RBFOX1: variants seen among roughly 807,000 people sequenced by gnomAD.
RBFOX1 encodes the protein RNA binding protein fox-1 homolog 1.
In RBFOX1, 8 loss-of-function variants were observed where a neutral mutation model predicts 57.7. That is an observed-to-expected ratio of 0.14 (90% CI 0.08 to 0.25). The LOEUF (loss-of-function observed/expected upper bound fraction) is 0.25, where lower values mean the gene tolerates loss of function less well. Ranked by LOEUF, RBFOX1 falls within the 10% of genes least tolerant of loss-of-function variation. The pLI is 1.00. For synonymous variants in RBFOX1, 326 were observed against 222.4 expected, an observed-to-expected ratio of 1.47 and a Z score of -4.15; for missense variants, 611 against 548.5, an observed-to-expected ratio of 1.11 and a Z score of -1.14.
At chr16:6,483,515 C>T in intron 2 of RBFOX1, 8 of 1,535,598 alleles carry the variant, frequency 5.2e-6, no homozygotes, top group Non-Finnish European at 7.0e-6. Flanking sequence ...ATCTTGGCAG[C>T]TAATTGCAGT....
At chr16:5,896,671 C>T (rs1022076318) in intron 4 of RBFOX1, among the ~76,000 whole-genome samples, 4 of 151,386 alleles carry the variant, frequency 2.6e-5, no homozygotes, top group Non-Finnish European at 4.4e-5. Context: ...TAAGACATAT[C>T]GTCATGTCAT....
chr16:5,962,676 A>G (rs1424645299), intron 4 of RBFOX1, among the ~76,000 whole-genome samples: 1 of 152,160 alleles, frequency 6.6e-6, no homozygotes, highest in Non-Finnish European at 1.5e-5. Context: ...CAGATCGTAG[A>G]AGGTGACTAT....
chr16:6,123,483 G>A (rs996460948), intron 1 of RBFOX1, among the ~76,000 whole-genome samples: 1 of 152,144 alleles, frequency 6.6e-6, no homozygotes, highest in Non-Finnish European at 1.5e-5. Context: ...TAGAATAGAG[G>A]TTACCAGGGG....
chr16:7,437,837 C>T (rs2098734998), intron 4 of RBFOX1, among the ~76,000 whole-genome samples: 1 of 149,890 alleles, frequency 6.7e-6, no homozygotes, highest in African/African-American at 2.5e-5. Flanking sequence ...TGCAACTTGA[C>T]AGGAGGCAGT....
chr16:7,597,461 TTCTC>T (rs1476790933), intron 9 of RBFOX1, 30 bp downstream of exon 9: 1 of 1,514,808 alleles, frequency 6.6e-7, no homozygotes, highest in East Asian at 2.3e-5. Flanking sequence ...TTACAAGAAA[TTCTC>T]TCTACTTCTG....
At chr16:5,787,034 G>C (rs2054525950) in intron 3 of RBFOX1, among the ~76,000 whole-genome samples, 1 of 152,198 alleles carries the variant, frequency 6.6e-6, no homozygotes, top group Non-Finnish European at 1.5e-5. Flanking sequence ...TCCTTGGGAG[G>C]CTGAGGCAGG....
chr16:5,908,733 A>G (rs1056362785), intron 4 of RBFOX1, among the ~76,000 whole-genome samples: 9 of 152,076 alleles, frequency 5.9e-5, no homozygotes, highest in South Asian at 2.1e-4. Context: ...GGCCCCTGCT[A>G]TAGACTGAAT....
At chr16:5,882,385 A>G (rs2057784882) in intron 4 of RBFOX1, among the ~76,000 whole-genome samples, 1 of 152,206 alleles carries the variant, frequency 6.6e-6, no homozygotes, top group African/African-American at 2.4e-5. Context: ...ATTTATGGGC[A>G]ACACCTGGAA....
chr16:6,650,540 G>A (rs902361559), intron 2 of RBFOX1, among the ~76,000 whole-genome samples: 3 of 152,160 alleles, frequency 2.0e-5, no homozygotes, highest in East Asian at 1.9e-4. Context: ...CCACTTTGTC[G>A]AATGTTGGTA....
chr16:5,618,457 C>A (rs1002425363), intron 3 of RBFOX1, among the ~76,000 whole-genome samples: 3 of 152,120 alleles, frequency 2.0e-5, no homozygotes, highest in African/African-American at 7.2e-5. Flanking sequence ...CCTGCCTCAG[C>A]CTCCCAAGTA....
intron 1 of RBFOX1, chr16:6,037,892 G>A (rs867265655): frequency 2.0e-5 from 3 of 152,128 alleles, no homozygotes; most frequent in Admixed American, 1.3e-4. Context: ...ACCACACCTG[G>A]CCTGTAGAAT....
At position 7,573,339 on chromosome 16, in the gene RBFOX1, A is replaced by G. The variant is rs2092988141; in HGVS notation, c.271-6438A>G. Among the ~76,000 whole-genome samples, 4 of 152,162 alleles carry G rather than the reference A, an allele frequency of 2.6e-5. No individual in the cohort carries two copies. The South Asian group carries it at 8.3e-4, about 32-fold the overall frequency. ...CGAGAACACTGAACCTTATAGACCT[A>G]GAGAGCCAATGACGATCCAGGTTGG... On this transcript the variant is annotated intron_variant, in intron 5 of 15. Transcript: ENST00000550418.
At chr16:7,460,278 G>T (rs1211440967) in intron 4 of RBFOX1, among the ~76,000 whole-genome samples, 4 of 150,242 alleles carry the variant, frequency 2.7e-5, no homozygotes, top group South Asian at 4.2e-4. Flanking sequence ...TTCCTTTTTA[G>T]GAAAATCTCC....
intron 1 of RBFOX1, among the ~76,000 whole-genome samples, chr16:5,448,652 C>G (rs9930342): frequency 0.21 from 31,414 of 152,090 alleles, 3,644 homozygotes; most frequent in African/African-American, 0.32. Context: ...ATCCTGGACC[C>G]TCCCTTTGGC....
chr16:6,319,390 C>T (rs139130895), intron 2 of RBFOX1, among the ~76,000 whole-genome samples: 1 of 152,230 alleles, frequency 6.6e-6, no homozygotes, highest in African/African-American at 2.4e-5. Context: ...CTCATGATAT[C>T]CACAGCATTT....
chr16:7,163,967 T>C (rs941943364), intron 4 of RBFOX1, among the ~76,000 whole-genome samples: 8 of 152,184 alleles, frequency 5.3e-5, no homozygotes, highest in East Asian at 1.9e-4. Flanking sequence ...GCCTGTTTTT[T>C]CTAATTTTAA....
At chr16:5,856,526 C>T (rs2057062283) in intron 3 of RBFOX1, among the ~76,000 whole-genome samples, 1 of 86,880 alleles carries the variant, frequency 1.2e-5, no homozygotes, top group Non-Finnish European at 2.3e-5. Context: ...ATCTCTCATT[C>T]ATATATGTGT....
intron 4 of RBFOX1, among the ~76,000 whole-genome samples, chr16:5,959,991 C>T (rs892663489): frequency 1.4e-4 from 21 of 152,018 alleles, no homozygotes; most frequent in Non-Finnish European, 1.9e-4. Context: ...ACCTGAGGTC[C>T]GGAGTTCAAG....
chr16:7,268,865 C>T (rs1330753178), intron 4 of RBFOX1, among the ~76,000 whole-genome samples: 1 of 151,536 alleles, frequency 6.6e-6, no homozygotes, highest in African/African-American at 2.4e-5. Flanking sequence ...GGTGAAACCC[C>T]ATCTCTACTA....
Sources: gnomAD v4.1 joint callset for allele counts (sites outside exome capture counted in the v4.1 genomes callset) on GRCh38, gnomAD v4.1.1 for gene constraint, MANE v1.5 for transcripts, NCBI Gene and HGNC (gene_info 2026-07-23, HGNC 2026-07-21) for gene names.